PTBP3: variants seen among roughly 807,000 people sequenced by gnomAD.
PTBP3 encodes polypyrimidine tract-binding protein 3.
In PTBP3, 20 loss-of-function variants were observed where a neutral mutation model predicts 58.7. The observed-to-expected ratio is 0.34, with a 90% confidence interval of 0.24 to 0.50. The LOEUF (loss-of-function observed/expected upper bound fraction) is 0.50, where lower values mean the gene tolerates loss of function less well. PTBP3 is among the 20% of genes least tolerant of loss of function. The probability of loss-of-function intolerance (pLI) is 0.98; values close to 1 mark genes in which losing one functional copy is unlikely to be tolerated. For missense variants in PTBP3, 509 were observed against 637.2 expected (o/e 0.80, Z 2.17); for synonymous variants, 185 against 219.8 (o/e 0.84, Z 1.40).
At chr9:112,283,661 A>G (rs1260814421) in intron 2 of PTBP3, among the ~76,000 whole-genome samples, 2 of 152,276 alleles carry the variant, frequency 1.3e-5, no homozygotes, top group African/African-American at 4.8e-5. Flanking sequence ...AGAAATATGC[A>G]TAAGTAACCA....
intron 1 of PTBP3, among the ~76,000 whole-genome samples, chr9:112,305,709 G>T (rs139237370): frequency 6.6e-6 from 1 of 152,096 alleles, no homozygotes; most frequent in Non-Finnish European, 1.5e-5. Flanking sequence ...GGGAGGCCGA[G>T]GGGGGCGGAT....
At chr9:112,322,741 T>G (rs1451545452) in intron 1 of PTBP3, among the ~76,000 whole-genome samples, 3 of 152,200 alleles carry the variant, frequency 2.0e-5, no homozygotes, top group African/African-American at 7.2e-5. Context: ...GACACAGATT[T>G]TGGAATTATC....
chr9:112,318,532 G>A (rs139034948), intron 1 of PTBP3, among the ~76,000 whole-genome samples: 2,825 of 152,246 alleles, frequency 0.019, 100 homozygotes, highest in African/African-American at 0.064. Flanking sequence ...GGCCAAGGTG[G>A]GCAGATCACT....
intron 3 of PTBP3, 43 bp downstream of exon 3, chr9:112,275,801 T>A (rs774223256): frequency 1.3e-6 from 2 of 1,491,088 alleles, no homozygotes; most frequent in Non-Finnish European, 1.9e-6. Context: ...AATACTAACA[T>A]CTGGAGATAA....
At chr9:112,242,024 T>C (rs115679768) in intron 7 of PTBP3, among the ~76,000 whole-genome samples, 1 of 152,212 alleles carries the variant, frequency 6.6e-6, no homozygotes. Flanking sequence ...TTTTATCTAT[T>C]CAACTGTTAG....
At chr9:112,293,757 T>A (rs1231014264) in intron 2 of PTBP3, among the ~76,000 whole-genome samples, 2 of 152,184 alleles carry the variant, frequency 1.3e-5, no homozygotes, top group Non-Finnish European at 2.9e-5. Context: ...GCTTCAACTG[T>A]CCTTGTTACC....
chr9:112,345,334 T>C, the PTBP3 span, among the ~76,000 whole-genome samples: 1 of 84,152 alleles, frequency 1.2e-5, no homozygotes, highest in African/African-American at 4.9e-5. Flanking sequence ...AGTAAGACCC[T>C]CATCTCTAAA....
chr9:112,364,954 C>G, the PTBP3 span, among the ~76,000 whole-genome samples: 2 of 152,146 alleles, frequency 1.3e-5, no homozygotes, highest in South Asian at 4.1e-4. Flanking sequence ...CCACCCCCAC[C>G]ACAACCCAGC....
At chr9:112,253,282 C>T (rs1836207232) in intron 5 of PTBP3, among the ~76,000 whole-genome samples, 1 of 152,066 alleles carries the variant, frequency 6.6e-6, no homozygotes, top group Non-Finnish European at 1.5e-5. Context: ...TGACAAATAT[C>T]CTAATATCTG....
the PTBP3 span, among the ~76,000 whole-genome samples, chr9:112,373,674 T>C: frequency 2.0e-5 from 3 of 152,342 alleles, no homozygotes; most frequent in South Asian, 6.2e-4. Context: ...CCGCCTAACA[T>C]AATACAACTA....
intron 1 of PTBP3, among the ~76,000 whole-genome samples, chr9:112,325,152 C>T (rs1173107456): frequency 5.9e-5 from 9 of 152,298 alleles, no homozygotes; most frequent in South Asian, 4.1e-4. Context: ...AGTCAAGAGA[C>T]GGCAAAATGC....
At chr9:112,246,962 C>T (rs1174707158) in intron 7 of PTBP3, among the ~76,000 whole-genome samples, 1 of 152,054 alleles carries the variant, frequency 6.6e-6, no homozygotes, top group African/African-American at 2.4e-5. Context: ...ATGAGGAAAA[C>T]CCAGACATCT....
At chr9:112,348,583 G>T in the PTBP3 span, among the ~76,000 whole-genome samples, 1 of 152,226 alleles carries the variant, frequency 6.6e-6, no homozygotes, top group African/African-American at 2.4e-5. Context: ...AGGAAGAATC[G>T]GGAGAGCGGA....
rs746900017 is a variant in PTBP3 at position 112,250,993 on chromosome 9, A to G, written c.738T>C (p.Thr246=). The G allele has an allele frequency of 2.7e-5, 43 of 1,612,468 alleles. No homozygotes were observed. The highest frequency in any genetic ancestry group is 3.4e-5 in the Non-Finnish European group (40 of 1,179,246). ...KYNNDKSRDF[T]RLDLPTGDGQ... ...CATCACCAGTAGGAAGGTCTAAGCG[A>G]GTGAAGTCTCTGCTTTTGTCATTAT... The change falls in exon 7 of 14, where the codon ACT becomes ACC. Residue 246 remains threonine (T), a synonymous_variant. Coordinates refer to ENST00000374257, the MANE Select transcript of PTBP3 (RefSeq NM_001163788.4).
At chr9:112,289,208 G>A (rs572744582) in intron 2 of PTBP3, among the ~76,000 whole-genome samples, 3 of 151,960 alleles carry the variant, frequency 2.0e-5, no homozygotes, top group South Asian at 2.1e-4. Context: ...CTTTTTGTAC[G>A]AGCTCCAATA....
intron 10 of PTBP3, among the ~76,000 whole-genome samples, chr9:112,230,965 C>T (rs969137802): frequency 3.5e-5 from 5 of 141,528 alleles, no homozygotes; most frequent in African/African-American, 1.2e-4. Flanking sequence ...TTTGACCCTA[C>T]GCAGCTGTCC....
intron 1 of PTBP3, among the ~76,000 whole-genome samples, chr9:112,324,642 T>A (rs762885135): frequency 2.7e-5 from 4 of 145,526 alleles, no homozygotes; most frequent in Non-Finnish European, 6.0e-5. Flanking sequence ...AGAGCGAGAC[T>A]ACCTCTTTTT....
chr9:112,259,062 C>T (rs761172664), intron 5 of PTBP3, among the ~76,000 whole-genome samples: 3 of 152,156 alleles, frequency 2.0e-5, no homozygotes, highest in Non-Finnish European at 2.9e-5. Flanking sequence ...AGCTATCCTC[C>T]CACCTTAGCC....
At chr9:112,227,384 G>A in intron 12 of PTBP3, 27 bp downstream of exon 12, 1 of 1,588,200 alleles carries the variant, frequency 6.3e-7, no homozygotes, top group Non-Finnish European at 8.6e-7. Flanking sequence ...CATCATCTAA[G>A]TGATTAATAA....
Sources: allele counts gnomAD v4.1 joint callset (sites outside exome capture counted in the v4.1 genomes callset), GRCh38; gene constraint gnomAD v4.1.1; transcripts MANE v1.5; gene names NCBI Gene and HGNC (gene_info 2026-07-23, HGNC 2026-07-21).